TMEM45A: variants seen among roughly 807,000 people sequenced by gnomAD.
TMEM45A encodes transmembrane protein 45A.
In TMEM45A, 25 loss-of-function variants were observed where a neutral mutation model predicts 32.0. The observed-to-expected ratio is 0.78, with a 90% confidence interval of 0.57 to 1.09. TMEM45A has a LOEUF of 1.09. Ranked by LOEUF, TMEM45A falls within the 50% of genes least tolerant of loss-of-function variation. The pLI, the probability that TMEM45A is intolerant of heterozygous loss-of-function variation, is 0.00. For missense variants in TMEM45A, 302 were observed against 325.0 expected, an observed-to-expected ratio of 0.93 and a Z score of 0.54; for synonymous variants, 122 against 114.8, an observed-to-expected ratio of 1.06 and a Z score of -0.40.
intron 1 of TMEM45A, among the ~76,000 whole-genome samples, chr3:100,547,901 GT>G (rs1290078133): frequency 1.3e-5 from 2 of 152,024 alleles, no homozygotes; most frequent in East Asian, 3.9e-4. Context: ...TTGTTTTTGT[GT>G]TTTATTTTTA....
chr3:100,557,445 A>C (rs1310984513), intron 3 of TMEM45A, among the ~76,000 whole-genome samples: 1 of 152,246 alleles, frequency 6.6e-6, no homozygotes, highest in Non-Finnish European at 1.5e-5. Flanking sequence ...AAATGCAGTC[A>C]CATAAAAAAT....
Position 100,536,529 on chromosome 3 carries a change from A to G in TMEM45A, c.-3-18680A>G, listed in dbSNP as rs866362290. ...AACTGGCATATCATAGTTGTTTAAT[A>G]AATATTTGTTGAAAGCATGAATGGA... is the stretch of plus-strand genomic sequence containing the variant. On this transcript the variant is annotated intron_variant, in intron 1 of 5. Coordinates refer to ENST00000323523, the MANE Select transcript of TMEM45A (RefSeq NM_018004.3). Among the ~76,000 whole-genome samples the G allele has an allele frequency of 3.9e-5, 6 of 152,346 alleles. No individual in the cohort carries two copies. In the South Asian group the frequency reaches 6.2e-4, roughly 16 times the overall value.
At chr3:100,493,283 A>C (rs914104815) in intron 1 of TMEM45A, among the ~76,000 whole-genome samples, 1 of 152,060 alleles carries the variant, frequency 6.6e-6, no homozygotes, top group African/African-American at 2.4e-5. Flanking sequence ...TTGTAAAGCC[A>C]AAATCGTTTT....
chr3:100,534,960 CA>C (rs11361659), intron 1 of TMEM45A, among the ~76,000 whole-genome samples: 70,440 of 151,962 alleles, frequency 0.46, 16,867 homozygotes, highest in African/African-American at 0.57. Context: ...CTGCTCAGCT[CA>C]GCTCTGCACT....
chr3:100,518,390 T>C (rs1559638242), intron 1 of TMEM45A, among the ~76,000 whole-genome samples: 1 of 152,186 alleles, frequency 6.6e-6, no homozygotes, highest in East Asian at 1.9e-4. Flanking sequence ...TTTGCAGAGG[T>C]CTCTTTTCTT....
At chr3:100,517,129 T>G (rs1207549095) in intron 1 of TMEM45A, among the ~76,000 whole-genome samples, 1 of 148,422 alleles carries the variant, frequency 6.7e-6, no homozygotes, top group Non-Finnish European at 1.5e-5. Context: ...TCTTTTCTTT[T>G]TTTTTAAGAC....
intron 4 of TMEM45A, among the ~76,000 whole-genome samples, 190 bp downstream of exon 4, chr3:100,558,779 GA>G (rs1706273428): frequency 6.6e-6 from 1 of 152,194 alleles, no homozygotes; most frequent in African/African-American, 2.4e-5. Context: ...GAGCAGCTGG[GA>G]AGTGGTGCGT....
At chr3:100,542,701 A>G (rs1576280705) in intron 1 of TMEM45A, among the ~76,000 whole-genome samples, 1 of 152,206 alleles carries the variant, frequency 6.6e-6, no homozygotes, top group African/African-American at 2.4e-5. Context: ...ATACTATGCA[A>G]CCATAAAAAG....
intron 1 of TMEM45A, among the ~76,000 whole-genome samples, chr3:100,536,044 T>G (rs944610066): frequency 6.6e-6 from 1 of 152,182 alleles, no homozygotes; most frequent in African/African-American, 2.4e-5. Context: ...AGGTGACATT[T>G]ATCAATATCC....
At chr3:100,513,555 A>T (rs1218272837) in intron 1 of TMEM45A, among the ~76,000 whole-genome samples, 2 of 151,004 alleles carry the variant, frequency 1.3e-5, no homozygotes, top group Non-Finnish European at 2.9e-5. Flanking sequence ...ATTCCCTTTG[A>T]AAACAGGCAC....
intron 1 of TMEM45A, among the ~76,000 whole-genome samples, chr3:100,500,466 T>C (rs150111648): frequency 6.6e-6 from 1 of 152,362 alleles, no homozygotes; most frequent in East Asian, 1.9e-4. Context: ...GGGTTACATT[T>C]GTTGAACGAG....
At chr3:100,542,336 T>C (rs1354169598) in intron 1 of TMEM45A, among the ~76,000 whole-genome samples, 1 of 152,154 alleles carries the variant, frequency 6.6e-6, no homozygotes, top group East Asian at 1.9e-4. Context: ...CATAGACATA[T>C]GAATACTAGA....
chr3:100,507,866 A>G (rs1464613428), intron 1 of TMEM45A, among the ~76,000 whole-genome samples: 4 of 151,782 alleles, frequency 2.6e-5, no homozygotes, highest in Non-Finnish European at 5.9e-5. Context: ...GAAGAGATTA[A>G]GAGAGCATAG....
intron 2 of TMEM45A, 108 bp downstream of exon 2, chr3:100,555,509 G>A: frequency 8.4e-7 from 1 of 1,197,384 alleles, no homozygotes; most frequent in Non-Finnish European, 1.2e-6. Flanking sequence ...TCTGATCTCT[G>A]AAAGAATAAA....
chr3:100,570,922 T>C (rs1706544281), intron 5 of TMEM45A: 1 of 152,198 alleles, frequency 6.6e-6, no homozygotes, highest in Non-Finnish European at 1.5e-5. Context: ...CTATGAAAAC[T>C]TCTGTGGTGA....
At chr3:100,515,226 C>G (rs141708479) in intron 1 of TMEM45A, among the ~76,000 whole-genome samples, 23,869 of 151,902 alleles carry the variant, frequency 0.16, 2,148 homozygotes, top group Middle Eastern at 0.21. Context: ...TTGGAACCAA[C>G]CCAAATGTCC....
chr3:100,535,906 C>T (rs1192076867), intron 1 of TMEM45A, among the ~76,000 whole-genome samples: 1 of 152,092 alleles, frequency 6.6e-6, no homozygotes, highest in Non-Finnish European at 1.5e-5. Flanking sequence ...TAGTTAACAG[C>T]TAAGTTTGTT....
At chr3:100,528,464 G>A (rs1287277153) in intron 1 of TMEM45A, among the ~76,000 whole-genome samples, 1 of 152,102 alleles carries the variant, frequency 6.6e-6, no homozygotes, top group Non-Finnish European at 1.5e-5. Flanking sequence ...TCGAAGGTGG[G>A]GATTTCTTGG....
rs763771736 is a variant in TMEM45A at position 100,577,070 on chromosome 3, T to C, written c.*52T>C. On this transcript the variant is annotated 3_prime_UTR_variant, in exon 6 of 6. Transcript: ENST00000323523. ...ATAAACCTTTTCTTTTTTACATTGT[T>C]CTTGGTTTTGTTTCTCGATCTTTTG... The C allele has an allele frequency of 8.7e-6, 11 of 1,258,586 alleles. No individual in the cohort carries two copies. The highest frequency in any genetic ancestry group is 2.6e-5 in the Admixed American group (1 of 38,026). 78.0% of individuals were successfully genotyped at this position (1,258,586 alleles called of 1,614,324 possible). A position where few individuals can be genotyped will look rare whatever the true frequency, so the allele number is the denominator to read the frequency against.
Sources: allele counts gnomAD v4.1 joint callset (sites outside exome capture counted in the v4.1 genomes callset), GRCh38; gene constraint gnomAD v4.1.1; transcripts MANE v1.5; gene names NCBI Gene and HGNC (gene_info 2026-07-23, HGNC 2026-07-21).